CDKN2A: variants seen among roughly 807,000 people sequenced by gnomAD.
CDKN2A encodes cyclin dependent kinase inhibitor 2A.
CDKN2A carries 3 observed loss-of-function variants against 11.1 expected under a neutral mutation model. That is an observed-to-expected ratio of 0.27 (90% CI 0.12 to 0.70). The LOEUF (loss-of-function observed/expected upper bound fraction) is 0.70, where lower values mean the gene tolerates loss of function less well. Among genes scored for constraint, CDKN2A ranks in the 30% least tolerant of loss-of-function variants. The pLI is 0.77. For synonymous variants in CDKN2A, 122 were observed against 108.1 expected, an observed-to-expected ratio of 1.13 and a Z score of -0.80; for missense variants, 265 against 233.6, an observed-to-expected ratio of 1.13 and a Z score of -0.88.
Position 21,971,107 on chromosome 9 carries a change from G to A in CDKN2A, c.252C>T (p.Asp84=), listed in dbSNP as rs1472715728. The change falls in exon 2 of 3, where the codon GAC becomes GAT. Residue 84 remains aspartate (D), a synonymous_variant. Transcript: ENST00000304494. ...DPATLTRPVH[D]AAREGFLDTL... ...TGTCCAGGAAGCCCTCCCGGGCAGC[G>A]TCGTGCACGGGTCGGGTGAGAGTGG... 2 of 1,604,510 alleles carry A rather than the reference G, an allele frequency of 1.2e-6. No individual in the cohort carries two copies. Among genetic ancestry groups the A allele is most frequent in the African/African-American group, 1.3e-5 (1 of 75,022 alleles).
In CDKN2A at chr9:21,968,761, T is replaced by C. The variant is rs766855423; in HGVS notation, c.458-519A>G. On this transcript the variant is annotated intron_variant, in intron 2 of 2. Transcript: ENST00000304494. The surrounding 1 kb of genome is among the most constrained non-coding windows in gnomAD (Gnocchi z 4.7). ...TGCTTCTACAAACCCACAAATGGTT[T>C]CCGATCATTTCTGAAACAAAATGGA... The C allele has an allele frequency of 3.9e-6, 6 of 1,536,034 alleles. No homozygotes were observed. In the South Asian group the frequency reaches 5.9e-5, roughly 15 times the overall value.
chr9:21,971,226 A>G lies in CDKN2A; in HGVS notation c.151-18T>C, dbSNP rs779541481. 16 of 1,594,504 alleles carry G rather than the reference A, an allele frequency of 1.0e-5. No homozygotes were observed. The highest frequency in any genetic ancestry group is 1.7e-5 in the Admixed American group (1 of 59,618). ...ATCATGACCTGCCAGAGAGAACAGA[A>G]TGGTCAGAGCCAGGGTGGGGGCCGG... is the stretch of plus-strand genomic sequence containing the variant. On this transcript the variant is annotated intron_variant, in intron 1 of 2. Transcript: ENST00000304494.
chr9:21,990,611 T>TGGGAGAGAGAGAGA (rs1820405496), intron 2 of CDKN2A, among the ~76,000 whole-genome samples: 1 of 89,676 alleles, frequency 1.1e-5, no homozygotes, highest in Non-Finnish European at 2.2e-5. Flanking sequence ...ACTAATTTGG[T>TGGGAGAGAGAGAGA]GAGAGAGAGA....
rs770144787 is a variant in CDKN2A at position 21,994,091 on chromosome 9, C to A, written c.-175-38G>T. 4 of 1,577,816 alleles carry A rather than the reference C, an allele frequency of 2.5e-6. No homozygotes were observed. In the East Asian group the frequency reaches 9.0e-5, roughly 36 times the overall value. On this transcript the variant is annotated intron_variant, in intron 1 of 3. Coordinates refer to the CDKN2A transcript ENST00000494262. The stretch of plus-strand genomic sequence containing the variant: ...TATCTGTTTACGAAATCACACCAAA[C>A]AAAACAAGTGCCGAATGCGCCCCGG...
chr9:21,971,246 G>T (rs936221699), intron 1 of CDKN2A, 38 bp from the exon 2 acceptor site: 2 of 1,582,918 alleles, frequency 1.3e-6, no homozygotes, highest in Non-Finnish European at 1.7e-6. Flanking sequence ...CCAGGGTGGG[G>T]GCCGGCATGA....
upstream of CDKN2A, among the ~76,000 whole-genome samples, chr9:21,976,558 A>C (rs1036629590): frequency 6.6e-6 from 1 of 151,894 alleles, no homozygotes; most frequent in African/African-American, 2.4e-5. Flanking sequence ...TCTACTAAAA[A>C]ATACAAAATT....
At chr9:21,972,957 T>C (rs898812268) in intron 1 of CDKN2A, among the ~76,000 whole-genome samples, 2 of 152,350 alleles carry the variant, frequency 1.3e-5, no homozygotes, top group Admixed American at 6.5e-5. Context: ...CAAGGAATTA[T>C]ACTAAATTAT....
At chr9:21,985,127 A>G (rs1161913554) in intron 2 of CDKN2A, among the ~76,000 whole-genome samples, 2 of 151,906 alleles carry the variant, frequency 1.3e-5, no homozygotes, top group African/African-American at 4.8e-5. Flanking sequence ...TTTTCCTTTG[A>G]GTCTCTGGGT....
chr9:21,976,793 A>C (rs935771172), upstream of CDKN2A, among the ~76,000 whole-genome samples: 8 of 152,188 alleles, frequency 5.3e-5, no homozygotes, highest in African/African-American at 1.9e-4. Flanking sequence ...GGCACCCTCC[A>C]CCACCCTCAC....
intron 1 of CDKN2A, chr9:21,994,352 C>A: frequency 1.2e-6 from 2 of 1,606,892 alleles, no homozygotes; most frequent in Non-Finnish European, 1.7e-6. Context: ...CCTCCAGGGC[C>A]GAGCTCGGCA....
chr9:21,994,206 A>G (rs759238530), intron 1 of CDKN2A: 5 of 1,605,894 alleles, frequency 3.1e-6, no homozygotes, highest in Non-Finnish European at 3.4e-6. Context: ...CGAGGGCCAC[A>G]GCGGCGGGCG....
upstream of CDKN2A, among the ~76,000 whole-genome samples, chr9:21,978,821 G>C (rs1211634787): frequency 6.6e-6 from 1 of 152,194 alleles, no homozygotes; most frequent in Non-Finnish European, 1.5e-5. Flanking sequence ...TCTACAGTCA[G>C]ACTGCCAGGG....
At chr9:21,970,736 T>A in intron 2 of CDKN2A, 166 bp downstream of exon 2, 1 of 833,166 alleles carries the variant, frequency 1.2e-6, no homozygotes, top group Non-Finnish European at 1.9e-6. Context: ...TTTGCCGCCC[T>A]GGCGGGGCAG....
intron 2 of CDKN2A, chr9:21,992,324 T>C (rs2131143343): frequency 1.1e-6 from 1 of 880,916 alleles, no homozygotes; most frequent in Non-Finnish European, 1.4e-6. Flanking sequence ...CATATCATTA[T>C]AATTAACACC....
chr9:21,974,515 C>CGCCAGGAA lies in CDKN2A; in HGVS notation c.150+162_150+163insTTCCTGGC. 6.2e-7 allele frequency: 1 copy of CGCCAGGAA among 1,613,196 alleles called. No individual in the cohort carries two copies. The highest frequency in any genetic ancestry group is 8.5e-7 in the Non-Finnish European group (1 of 1,179,932). On this transcript the variant is annotated intron_variant, in intron 1 of 2. Transcript: ENST00000304494. This position sits in a 1 kb window ranked among gnomAD's most constrained non-coding sequence, Gnocchi z 5.2. ...TTGGCTTCCCAAGCCCCCAGGGCGT[C>CGCCAGGAA]GCCAGGAGGAGGTCTGTGATTACAA... is the stretch of plus-strand genomic sequence containing the variant.
At position 21,968,704 on chromosome 9, in the gene CDKN2A, C is replaced by A. The variant is rs2131081751; in HGVS notation, c.458-462G>T. On this transcript the variant is annotated intron_variant, in intron 2 of 2. Transcript: ENST00000304494. This position sits in a 1 kb window ranked among gnomAD's most constrained non-coding sequence, Gnocchi z 4.7. ...GGGCGCCTCAGGCTCTGGCGCTCCTCGGCGGAATCCCGTAGCTTCCCTACG... is the reference window on the plus strand; with the variant it reads ...GGGCGCCTCAGGCTCTGGCGCTCCTAGGCGGAATCCCGTAGCTTCCCTACG... The A allele has an allele frequency of 2.6e-6, 4 of 1,536,150 alleles. No individual in the cohort carries two copies. Among genetic ancestry groups the A allele is most frequent in the Non-Finnish European group, 3.5e-6 (4 of 1,146,894 alleles).
intron 2 of CDKN2A, among the ~76,000 whole-genome samples, chr9:21,987,450 G>C (rs184121136): frequency 0.087 from 7,259 of 83,898 alleles, 298 homozygotes; most frequent in South Asian, 0.13. Flanking sequence ...GAGAGAGAGA[G>C]AGAGAGATCC....
intron 1 of CDKN2A, chr9:21,971,499 C>T (rs1274288748): frequency 2.5e-5 from 15 of 590,094 alleles, no homozygotes; most frequent in Non-Finnish European, 3.5e-5. Context: ...CTGACTTTTA[C>T]TCCAGGCTAA....
intron 2 of CDKN2A, among the ~76,000 whole-genome samples, chr9:21,990,491 T>C (rs919659963): frequency 6.6e-6 from 1 of 152,112 alleles, no homozygotes; most frequent in African/African-American, 2.4e-5. Context: ...TGGAAATGTA[T>C]ATTTTACTGA....
Sources: allele counts gnomAD v4.1 joint callset (sites outside exome capture counted in the v4.1 genomes callset), GRCh38; gene constraint gnomAD v4.1.1; non-coding constraint Gnocchi (gnomAD v3.1); transcripts MANE v1.5; gene names NCBI Gene and HGNC (gene_info 2026-07-23, HGNC 2026-07-21).